HS6ST3: variants seen among roughly 807,000 people sequenced by gnomAD.
HS6ST3 encodes the protein heparan-sulfate 6-O-sulfotransferase 3.
In HS6ST3, 12 loss-of-function variants were observed where a neutral mutation model predicts 36.7. The ratio of observed to expected loss-of-function variants is 0.33; its 90% CI spans 0.21 to 0.53. The LOEUF (loss-of-function observed/expected upper bound fraction) is 0.53. Ranked by LOEUF, HS6ST3 falls within the 20% of genes least tolerant of loss-of-function variation. The pLI is 0.95. For synonymous variants in HS6ST3, 240 were observed against 257.5 expected (o/e 0.93, Z 0.65); for missense variants, 584 against 640.9 (o/e 0.91, Z 0.96).
chr13:96,536,184 A>T (rs568696135), intron 1 of HS6ST3, among the ~76,000 whole-genome samples: 118 of 152,180 alleles, frequency 7.8e-4, no homozygotes, highest in Non-Finnish European at 1.1e-3. Context: ...TTACATGAAC[A>T]TTTTTCGAAG....
intron 1 of HS6ST3, among the ~76,000 whole-genome samples, chr13:96,255,426 T>C (rs898522544): frequency 6.6e-6 from 1 of 152,166 alleles, no homozygotes; most frequent in Non-Finnish European, 1.5e-5. Context: ...AGGCCTAGAT[T>C]TTCTAAACTT....
At chr13:96,805,436 C>T (rs1055274550) in intron 1 of HS6ST3, among the ~76,000 whole-genome samples, 1 of 152,150 alleles carries the variant, frequency 6.6e-6, no homozygotes, top group Non-Finnish European at 1.5e-5. Flanking sequence ...AACTGTGAGT[C>T]AATTAAACCT....
intron 1 of HS6ST3, among the ~76,000 whole-genome samples, chr13:96,681,638 T>G (rs2056718679): frequency 6.6e-6 from 1 of 152,170 alleles, no homozygotes; most frequent in African/African-American, 2.4e-5. Context: ...AAATCTGATT[T>G]AAAGCCTCAT....
At chr13:96,695,598 GTT>G (rs1215273009) in intron 1 of HS6ST3, among the ~76,000 whole-genome samples, 2 of 104,662 alleles carry the variant, frequency 1.9e-5, no homozygotes, top group Non-Finnish European at 4.0e-5. Flanking sequence ...ACCCTCAGCT[GTT>G]TTTTTTTTTT....
At chr13:96,659,428 T>C (rs1453304989) in intron 1 of HS6ST3, among the ~76,000 whole-genome samples, 2 of 152,138 alleles carry the variant, frequency 1.3e-5, no homozygotes, top group Admixed American at 6.6e-5. Context: ...GTTAGACATA[T>C]GTATTATGAT....
intron 1 of HS6ST3, among the ~76,000 whole-genome samples, chr13:96,681,845 A>G (rs2056719403): frequency 6.6e-6 from 1 of 152,106 alleles, no homozygotes; most frequent in South Asian, 2.1e-4. Context: ...CTCATGCCTC[A>G]TCTAGAAATC....
chr13:96,593,238 C>T (rs1468247255), intron 1 of HS6ST3, among the ~76,000 whole-genome samples: 4 of 110,730 alleles, frequency 3.6e-5, no homozygotes, highest in Non-Finnish European at 5.0e-5. Flanking sequence ...GGCTGGAGTG[C>T]AGTGGTGTGA....
At chr13:96,658,225 T>C (rs1209699414) in intron 1 of HS6ST3, among the ~76,000 whole-genome samples, 1 of 151,460 alleles carries the variant, frequency 6.6e-6, no homozygotes, top group Non-Finnish European at 1.5e-5. Context: ...TTCTGTTATA[T>C]GCCACAATTT....
At chr13:96,545,964 C>T (rs1199936466) in intron 1 of HS6ST3, among the ~76,000 whole-genome samples, 3 of 151,962 alleles carry the variant, frequency 2.0e-5, no homozygotes, top group Non-Finnish European at 1.5e-5. Flanking sequence ...TAGCACAGTG[C>T]CTGGCACATA....
At chr13:96,663,366 G>A (rs891134458) in intron 1 of HS6ST3, among the ~76,000 whole-genome samples, 14 of 152,140 alleles carry the variant, frequency 9.2e-5, no homozygotes, top group African/African-American at 3.1e-4. Context: ...TTTTACCAAA[G>A]AAGTCATGCA....
chr13:96,740,611 G>A (rs561687319), intron 1 of HS6ST3, among the ~76,000 whole-genome samples: 1 of 152,268 alleles, frequency 6.6e-6, no homozygotes, highest in African/African-American at 2.4e-5. Flanking sequence ...GCTATGGACA[G>A]GGTTTTCTGC....
chr13:96,814,779 G>C (rs1426302315), intron 1 of HS6ST3, among the ~76,000 whole-genome samples: 2 of 151,712 alleles, frequency 1.3e-5, no homozygotes, highest in Non-Finnish European at 1.5e-5. Flanking sequence ...TTATTTTCAG[G>C]CTTGTCATAT....
chr13:96,153,522 GT>G (rs543924216), intron 1 of HS6ST3, among the ~76,000 whole-genome samples: 333 of 152,184 alleles, frequency 2.2e-3, no homozygotes, highest in Non-Finnish European at 3.6e-3. Context: ...GAAAGGTTAG[GT>G]TGTAGCTCCT....
chr13:96,273,520 G>A (rs987229665), intron 1 of HS6ST3, among the ~76,000 whole-genome samples: 5 of 151,924 alleles, frequency 3.3e-5, no homozygotes, highest in Admixed American at 1.3e-4. Flanking sequence ...GAACTGTTGT[G>A]AGAGTAAACA....
intron 1 of HS6ST3, among the ~76,000 whole-genome samples, chr13:96,752,864 G>T (rs1876733536): frequency 6.6e-6 from 1 of 152,030 alleles, no homozygotes; most frequent in Non-Finnish European, 1.5e-5. Flanking sequence ...AAATTCTTAA[G>T]ATATAAAGAT....
chr13:96,555,088 T>TATACATAC (rs36026016), intron 1 of HS6ST3, among the ~76,000 whole-genome samples: 1,726 of 151,112 alleles, frequency 0.011, 33 homozygotes, highest in African/African-American at 0.035. Context: ...TCAATACATA[T>TATACATAC]ATACATACAT....
intron 1 of HS6ST3, among the ~76,000 whole-genome samples, chr13:96,444,311 CAGGAGTAAT>C (rs1475698441): frequency 1.3e-5 from 2 of 152,130 alleles, no homozygotes; most frequent in Admixed American, 1.3e-4. Context: ...TGGGAATGAC[CAGGAGTAAT>C]AGTCTATTTC....
intron 1 of HS6ST3, among the ~76,000 whole-genome samples, chr13:96,490,819 A>G (rs1264276192): frequency 6.6e-6 from 1 of 152,200 alleles, no homozygotes; most frequent in Non-Finnish European, 1.5e-5. Flanking sequence ...CTCTGGTTCT[A>G]TTATTGTATT....
chr13:96,286,104 T>C (rs2054801005), intron 1 of HS6ST3, among the ~76,000 whole-genome samples: 1 of 151,872 alleles, frequency 6.6e-6, no homozygotes, highest in African/African-American at 2.4e-5. Context: ...TTTTCCTTGG[T>C]GTTGGCTTCA....
Sources: gnomAD v4.1 joint callset for allele counts (sites outside exome capture counted in the v4.1 genomes callset) on GRCh38, gnomAD v4.1.1 for gene constraint, MANE v1.5 for transcripts, NCBI Gene and HGNC (gene_info 2026-07-23, HGNC 2026-07-21) for gene names.